Variants in SLC2A2 observed in about 807,000 individuals in gnomAD.
SLC2A2 encodes solute carrier family 2 member 2, also known as solute carrier family 2, facilitated glucose transporter member 2.
A neutral mutation model predicts 54.5 loss-of-function variants in SLC2A2; 36 were observed. That is an observed-to-expected ratio of 0.66 (90% CI 0.51 to 0.87). The LOEUF (loss-of-function observed/expected upper bound fraction) is 0.87, where lower values mean the gene tolerates loss of function less well. Ranked by LOEUF, SLC2A2 falls within the 40% of genes least tolerant of loss-of-function variation. The pLI is 0.00. For synonymous variants in SLC2A2, 223 were observed against 219.1 expected (o/e 1.02, Z -0.16); for missense variants, 543 against 624.3 (o/e 0.87, Z 1.39).
chr3:171,007,058 G>A, intron 5 of SLC2A2, 90 bp downstream of exon 5: 1 of 778,400 alleles, frequency 1.3e-6, no homozygotes, highest in Non-Finnish European at 2.3e-6. Flanking sequence ...TGAAGTGGAG[G>A]AAGTACAGTA....
chr3:171,025,493 T>A (rs1375170618), intron 1 of SLC2A2, among the ~76,000 whole-genome samples: 1 of 152,178 alleles, frequency 6.6e-6, no homozygotes, highest in Non-Finnish European at 1.5e-5. Flanking sequence ...ATTATATCAC[T>A]GAGCCCAAGT....
chr3:171,024,040 G>GA (rs1560043936), intron 1 of SLC2A2, among the ~76,000 whole-genome samples: 3 of 152,010 alleles, frequency 2.0e-5, no homozygotes, highest in Admixed American at 6.6e-5. Context: ...GGGTCTATTA[G>GA]AAAAAAACAA....
intron 4 of SLC2A2, among the ~76,000 whole-genome samples, chr3:171,009,740 C>T (rs997268626): frequency 2.0e-5 from 3 of 151,954 alleles, no homozygotes; most frequent in African/African-American, 7.2e-5. Context: ...GATGTCATTG[C>T]CATGGACGAG....
intron 3 of SLC2A2, among the ~76,000 whole-genome samples, chr3:171,012,614 A>G (rs1394977542): frequency 6.6e-6 from 1 of 151,804 alleles, no homozygotes; most frequent in Admixed American, 6.6e-5. Flanking sequence ...TTTTTTTTTT[A>G]AAGGCAATAA....
intron 1 of SLC2A2, 44 bp from the exon 2 acceptor site, chr3:171,018,667 T>C: frequency 7.6e-7 from 1 of 1,323,954 alleles, no homozygotes; most frequent in Non-Finnish European, 1.1e-6. Context: ...CAGGCAATTT[T>C]AGTTTCCCAT....
At chr3:171,007,917 G>C (rs1402552999) in intron 4 of SLC2A2, among the ~76,000 whole-genome samples, 1 of 152,052 alleles carries the variant, frequency 6.6e-6, no homozygotes, top group Non-Finnish European at 1.5e-5. Context: ...AATTTTATTT[G>C]AAGAAAGACT....
chr3:171,018,410 A>T, intron 2 of SLC2A2, 121 bp downstream of exon 2: 2 of 780,464 alleles, frequency 2.6e-6, no homozygotes, highest in South Asian at 2.7e-5. Flanking sequence ...ATCGTACCTG[A>T]CAGGCCAGGA....
At chr3:171,019,101 A>G (rs1466225672) in intron 1 of SLC2A2, among the ~76,000 whole-genome samples, 29 of 61,350 alleles carry the variant, frequency 4.7e-4, no homozygotes, top group East Asian at 1.1e-3. Context: ...GTGTGTGTAT[A>G]TATATATATA....
intron 6 of SLC2A2, 138 bp downstream of exon 6, chr3:171,005,805 G>T: frequency 2.4e-6 from 2 of 837,630 alleles, no homozygotes; most frequent in East Asian, 2.6e-5. Context: ...GGTGCCAAAT[G>T]ACATGCACCA....
In SLC2A2 at chr3:171,005,323, T is replaced by A; in HGVS notation, c.925A>T (p.Met309Leu). 1 of 1,613,052 alleles carries A rather than the reference T, an allele frequency of 6.2e-7. No homozygotes were observed. Among genetic ancestry groups the A allele is most frequent in the South Asian group, 1.1e-5 (1 of 91,070 alleles). ...GAAAATTGCTGAGCCACATGCAGCA[T>A]CAGTGCCACTAGAATAGGCTGTCGG... ...SYRQPILVAL[M>L]LHVAQQFSGI... Residue 309 changes from methionine (M) to leucine (L), a missense_variant, in exon 7 of 11, where the codon ATG becomes TTG. Physicochemically the swap from Met to Leu is conservative, Grantham distance 15 (BLOSUM62 2). Coordinates refer to ENST00000314251, the MANE Select transcript of SLC2A2 (RefSeq NM_000340.2).
rs1455372900 is a variant in SLC2A2 at position 171,000,264 on chromosome 3, CTT to C, written c.1069-1100_1069-1099del. 1.1e-4 allele frequency among the ~76,000 whole-genome samples: 16 copies of C among 152,054 alleles called. 1 individual carries two copies. Among genetic ancestry groups the C allele is most frequent in the Admixed American group, 1.0e-3 (16 of 15,260 alleles). Reference sequence around the variant, plus strand: ...TGAGAAGGAAGTTGGAAAAAACAGACTTTTCTCAAGTTCATTAAATTTCTCTC... The same window carrying C: ...TGAGAAGGAAGTTGGAAAAAACAGACTTCTCAAGTTCATTAAATTTCTCTC... On this transcript the variant is annotated intron_variant, in intron 8 of 10. Transcript: ENST00000314251.
chr3:171,015,377 C>T (rs890005416), intron 2 of SLC2A2, among the ~76,000 whole-genome samples: 2 of 151,946 alleles, frequency 1.3e-5, no homozygotes, highest in African/African-American at 2.4e-5. Context: ...GGGGCTGAAG[C>T]GGGAGGATTG....
At chr3:171,017,773 G>T (rs1227354843) in intron 2 of SLC2A2, among the ~76,000 whole-genome samples, 2 of 152,334 alleles carry the variant, frequency 1.3e-5, no homozygotes, top group Admixed American at 6.5e-5. Flanking sequence ...CTTATGGGCT[G>T]TGGGAGCTGA....
At chr3:171,012,336 T>C (rs1715930033) in intron 3 of SLC2A2, among the ~76,000 whole-genome samples, 1 of 152,204 alleles carries the variant, frequency 6.6e-6, no homozygotes, top group Non-Finnish European at 1.5e-5. Flanking sequence ...TGACAGATCT[T>C]GGACTTGATC....
At chr3:170,998,572 T>C (rs1715203074) in intron 9 of SLC2A2, among the ~76,000 whole-genome samples, 176 bp from the exon 10 acceptor site, 1 of 152,148 alleles carries the variant, frequency 6.6e-6, no homozygotes, top group Non-Finnish European at 1.5e-5. Context: ...CATGCATAAC[T>C]CTTTAGATTT....
chr3:171,001,569 T>TA (rs1715334579), intron 8 of SLC2A2, among the ~76,000 whole-genome samples: 1 of 152,020 alleles, frequency 6.6e-6, no homozygotes, highest in African/African-American at 2.4e-5. Context: ...GTGCAGAGAA[T>TA]AAAAAACAAG....
rs1023586147 is a variant in SLC2A2 at position 171,018,430 on chromosome 3, G to C, written c.108+101C>G. On this transcript the variant is annotated intron_variant, in intron 2 of 10. Transcript: ENST00000314251. ...ACCTGACAGGCCAGGATGGCCTTGT[G>C]TCTCCCACGTGGACACCCTTTATCT... The C allele has an allele frequency of 4.6e-6, 4 of 865,274 alleles. No homozygotes were observed. The African/African-American group carries it at 6.6e-5, about 14-fold the overall frequency. The allele number at this position is 865,274 out of a possible 1,614,324, so 53.6% of individuals were successfully genotyped here. A position where few individuals can be genotyped will look rare whatever the true frequency, so the allele number is the denominator to read the frequency against.
intron 1 of SLC2A2, 73 bp downstream of exon 1, chr3:171,026,583 C>G (rs1006377938): frequency 1.5e-6 from 2 of 1,293,936 alleles, no homozygotes; most frequent in Non-Finnish European, 2.3e-6. Context: ...CCCAAATCCT[C>G]TGTATGACTT....
intron 5 of SLC2A2, 50 bp from the exon 6 acceptor site, chr3:171,006,155 C>T (rs1315397775): frequency 1.3e-6 from 2 of 1,535,028 alleles, no homozygotes; most frequent in Non-Finnish European, 1.8e-6. Flanking sequence ...TTTGGATCTA[C>T]CTTTTACACT....
Sources: allele counts gnomAD v4.1 joint callset (sites outside exome capture counted in the v4.1 genomes callset), GRCh38; gene constraint gnomAD v4.1.1; transcripts MANE v1.5; gene names NCBI Gene and HGNC (gene_info 2026-07-23, HGNC 2026-07-21).